NRXN1: variants seen among roughly 807,000 people sequenced by gnomAD.
The protein encoded by NRXN1 is neurexin-1.
NRXN1 carries 39 observed loss-of-function variants against 150.9 expected under a neutral mutation model. The observed-to-expected ratio is 0.26, with a 90% CI of 0.20 to 0.34. The LOEUF (loss-of-function observed/expected upper bound fraction) is 0.34, where lower values mean the gene tolerates loss of function less well. Ranked by LOEUF, NRXN1 falls within the 10% of genes least tolerant of loss-of-function variation. The pLI is 1.00. For missense variants in NRXN1, 1,815 were observed against 1,949.9 expected (o/e 0.93, Z 1.30); for synonymous variants, 924 against 757.0 (o/e 1.22, Z -3.62).
chr2:50,136,230 A>T (rs1328918652), intron 18 of NRXN1, among the ~76,000 whole-genome samples: 2 of 152,178 alleles, frequency 1.3e-5, no homozygotes, highest in Non-Finnish European at 2.9e-5. Context: ...GAAGTAGTTG[A>T]GCAAGCCTGA....
intron 9 of NRXN1, among the ~76,000 whole-genome samples, chr2:50,549,779 A>C (rs192945343): frequency 6.6e-5 from 10 of 152,318 alleles, no homozygotes; most frequent in African/African-American, 2.4e-4. Context: ...TATTTATCTG[A>C]TAATTAATTA....
chr2:50,888,937 A>C (rs1328129909), intron 5 of NRXN1, among the ~76,000 whole-genome samples: 1 of 151,730 alleles, frequency 6.6e-6, no homozygotes, highest in African/African-American at 2.4e-5. Context: ...TGATTGTCAC[A>C]GCATGAAAAA....
chr2:50,271,147 T>C (rs148095292), intron 17 of NRXN1, among the ~76,000 whole-genome samples: 2,053 of 152,292 alleles, frequency 0.013, 57 homozygotes, highest in African/African-American at 0.047. Flanking sequence ...ACAATATTGA[T>C]ACAAAACACA....
At chr2:50,019,963 AAAAAAAAAAAGAGAG>A (rs1285042929) in intron 21 of NRXN1, among the ~76,000 whole-genome samples, 2,470 of 118,568 alleles carry the variant, frequency 0.021, 316 homozygotes, top group Non-Finnish European at 0.031. Flanking sequence ...AAAAAAAAAA[AAAAAAAAAAAGAGAG>A]AGAGAGAGAC....
At chr2:50,514,993 C>G (rs192126961) in intron 12 of NRXN1, among the ~76,000 whole-genome samples, 1 of 152,130 alleles carries the variant, frequency 6.6e-6, no homozygotes, top group Admixed American at 6.5e-5. Context: ...CTCCCCACCC[C>G]CCAGGCCACA....
rs149584287 is a variant in NRXN1, at chr2:50,459,566, G to A, written c.3364+5876C>T. ...TTACAAATGGGAACATGTGGTATTTGGTTTTCTGTTCCTGCATTCATTTGC... is the reference window on the plus strand; with the variant it reads ...TTACAAATGGGAACATGTGGTATTTAGTTTTCTGTTCCTGCATTCATTTGC... On this transcript the variant is annotated intron_variant, in intron 17 of 22. Transcript: ENST00000401669. Among the ~76,000 whole-genome samples, 384 of 152,194 alleles carry A rather than the reference G, an allele frequency of 2.5e-3. 1 individual carries two copies. The highest frequency in any genetic ancestry group is 8.8e-3 in the African/African-American group (366 of 41,524).
chr2:50,275,359 G>T (rs777709181), intron 17 of NRXN1, among the ~76,000 whole-genome samples: 7 of 152,080 alleles, frequency 4.6e-5, no homozygotes, highest in Non-Finnish European at 1.0e-4. Context: ...CTTCAACAAA[G>T]ATTTGATTTG....
intron 5 of NRXN1, among the ~76,000 whole-genome samples, chr2:50,779,275 G>A (rs1704039101): frequency 6.6e-6 from 1 of 151,972 alleles, no homozygotes. Flanking sequence ...GAAGTGTCTG[G>A]TTTTCTGTTC....
At position 50,964,020 on chromosome 2, in the gene NRXN1, T is replaced by C. The variant is rs1401572275; in HGVS notation, c.773-38065A>G. ...AAATAGAGCAACATGCTAATCAGCATTTAATTTTTTGCCTACTATGCAGAA... is the reference window on the plus strand; with the variant it reads ...AAATAGAGCAACATGCTAATCAGCACTTAATTTTTTGCCTACTATGCAGAA... On this transcript the variant is annotated intron_variant, in intron 2 of 22. Coordinates refer to ENST00000401669, the MANE Select transcript of NRXN1 (RefSeq NM_001330078.2). 9.3e-6 allele frequency: 4 copies of C among 431,230 alleles called. No individual in the cohort carries two copies. The Admixed American group carries it at 1.0e-4, about 11-fold the overall frequency. The allele number at this position is 431,230 out of a possible 1,614,324, so 26.7% of individuals were successfully genotyped here.
intron 17 of NRXN1, among the ~76,000 whole-genome samples, chr2:50,409,115 CTATA>C (rs2082968474): frequency 6.6e-6 from 1 of 152,122 alleles, no homozygotes. Flanking sequence ...GATTTTTCCT[CTATA>C]TAATCTCCAT....
chr2:50,589,923 A>G (rs955617873), intron 8 of NRXN1, among the ~76,000 whole-genome samples: 2 of 152,174 alleles, frequency 1.3e-5, no homozygotes, highest in East Asian at 3.9e-4. Flanking sequence ...GAAGTCAGAA[A>G]CCATTAGGTT....
chr2:50,151,277 T>G, intron 18 of NRXN1, among the ~76,000 whole-genome samples: 1 of 151,710 alleles, frequency 6.6e-6, no homozygotes, highest in East Asian at 1.9e-4. Flanking sequence ...TCAGGCTGCC[T>G]TTCTGACAGT....
At chr2:50,955,099 C>T (rs1012929511) in intron 2 of NRXN1, among the ~76,000 whole-genome samples, 17 of 152,272 alleles carry the variant, frequency 1.1e-4, no homozygotes, top group South Asian at 4.1e-4. Context: ...CACACACACA[C>T]GCACACACAA....
chr2:50,325,490 T>A (rs567734555), intron 17 of NRXN1, among the ~76,000 whole-genome samples: 1 of 152,334 alleles, frequency 6.6e-6, no homozygotes, highest in South Asian at 2.1e-4. Flanking sequence ...TCCACTGGAA[T>A]ATCGTAAGAT....
At chr2:50,023,386 G>A (rs533427964) in intron 21 of NRXN1, 47 of 152,140 alleles carry the variant, frequency 3.1e-4, no homozygotes, top group African/African-American at 1.1e-3. Flanking sequence ...CCCTGGTACT[G>A]TCCAACTAAA....
intron 18 of NRXN1, among the ~76,000 whole-genome samples, chr2:50,131,649 T>C (rs1370885922): frequency 6.6e-6 from 1 of 152,202 alleles, no homozygotes; most frequent in Non-Finnish European, 1.5e-5. Flanking sequence ...TTCAAAGCAC[T>C]TTATTCACAT....
chr2:50,040,565 G>C lies in NRXN1; in HGVS notation c.4128+12706C>G, dbSNP rs1191699409. 7.2e-5 allele frequency among the ~76,000 whole-genome samples: 11 copies of C among 152,076 alleles called. No homozygotes were observed. In the East Asian group the frequency reaches 2.1e-3, roughly 29 times the overall value. ...TAATTACCAAAAAGAATTATTAAAA[G>C]ACATTTACTCTGGGGAATAAGACTG... On this transcript the variant is annotated intron_variant, in intron 21 of 22. Transcript: ENST00000401669.
intron 8 of NRXN1, among the ~76,000 whole-genome samples, chr2:50,586,621 G>C (rs1673142089): frequency 6.6e-6 from 1 of 151,746 alleles, no homozygotes; most frequent in African/African-American, 2.4e-5. Context: ...AAACATCTAA[G>C]AAAAATTAGT....
chr2:50,218,641 C>T (rs553508837), intron 18 of NRXN1, among the ~76,000 whole-genome samples: 1 of 151,926 alleles, frequency 6.6e-6, no homozygotes, highest in Admixed American at 6.6e-5. Context: ...AGAATCTAAA[C>T]TTTCAGCAAG....
Sources: gnomAD v4.1 joint callset for allele counts (sites outside exome capture counted in the v4.1 genomes callset) on GRCh38, gnomAD v4.1.1 for gene constraint, MANE v1.5 for transcripts, NCBI Gene and HGNC (gene_info 2026-07-23, HGNC 2026-07-21) for gene names.